Variants in TINAG observed in about 807,000 individuals in gnomAD.
TINAG encodes tubulointerstitial nephritis antigen.
TINAG carries 83 observed loss-of-function variants against 72.7 expected under a neutral mutation model. That is an observed-to-expected ratio of 1.14 (90% confidence interval 0.96 to 1.37). The LOEUF (loss-of-function observed/expected upper bound fraction) is 1.37, where lower values mean the gene tolerates loss of function less well. TINAG is among the 40% of genes most tolerant of loss of function. The pLI is 0.00. For synonymous variants in TINAG, 234 were observed against 189.9 expected (o/e 1.23, Z -1.91); for missense variants, 685 against 576.6 (o/e 1.19, Z -1.93).
At position 54,351,415 on chromosome 6, in the gene TINAG, A is replaced by G. The variant is rs1199382613; in HGVS notation, c.1126+18A>G. On this transcript the variant is annotated intron_variant, in intron 8 of 10. Coordinates refer to ENST00000259782, the MANE Select transcript of TINAG (RefSeq NM_014464.4). ...AGTTCAAGGTAAGCTTGAATGAAAT[A>G]CGGTTTTTTCTTACTCATTCCTTTA... The G allele has an allele frequency of 6.2e-7, 1 of 1,607,962 alleles. No individual in the cohort carries two copies. The highest frequency in any genetic ancestry group is 2.2e-5 in the East Asian group (1 of 44,494).
At chr6:54,331,010 C>A (rs1158199912) in intron 4 of TINAG, among the ~76,000 whole-genome samples, 1 of 152,044 alleles carries the variant, frequency 6.6e-6, no homozygotes, top group Non-Finnish European at 1.5e-5. Flanking sequence ...GAATTCATAG[C>A]CAAATTATTC....
chr6:54,378,602 T>C (rs1383676739), intron 9 of TINAG, among the ~76,000 whole-genome samples: 3 of 152,138 alleles, frequency 2.0e-5, no homozygotes, highest in African/African-American at 7.2e-5. Context: ...GTAAAAGTAA[T>C]AGTTCGTATT....
intron 9 of TINAG, among the ~76,000 whole-genome samples, chr6:54,364,623 T>TA (rs778226388): frequency 6.6e-5 from 10 of 151,404 alleles, no homozygotes; most frequent in South Asian, 2.1e-4. Flanking sequence ...TATGAGAAAA[T>TA]AAAAAAGTAA....
At chr6:54,316,749 C>T (rs555961421) in intron 1 of TINAG, among the ~76,000 whole-genome samples, 1 of 152,238 alleles carries the variant, frequency 6.6e-6, no homozygotes, top group East Asian at 1.9e-4. Context: ...AAATTATAGA[C>T]AACATATCAT....
intron 9 of TINAG, among the ~76,000 whole-genome samples, chr6:54,365,886 C>T (rs935063182): frequency 6.6e-6 from 1 of 151,450 alleles, no homozygotes; most frequent in African/African-American, 2.4e-5. Context: ...CTTGAACAGC[C>T]AGGTGCAATG....
At chr6:54,328,944 A>C (rs991148818) in intron 4 of TINAG, among the ~76,000 whole-genome samples, 10 of 152,066 alleles carry the variant, frequency 6.6e-5, no homozygotes, top group Non-Finnish European at 1.2e-4. Flanking sequence ...AAAAGGAACA[A>C]ACAAAGCATC....
chr6:54,367,198 G>T (rs992848483), intron 9 of TINAG: 2 of 151,726 alleles, frequency 1.3e-5, no homozygotes, highest in Non-Finnish European at 2.9e-5. Flanking sequence ...AGACCAATAT[G>T]TCTTTTACGT....
intron 9 of TINAG, among the ~76,000 whole-genome samples, chr6:54,368,437 T>A (rs1763503985): frequency 6.7e-6 from 1 of 150,062 alleles, no homozygotes; most frequent in South Asian, 2.1e-4. Flanking sequence ...TGAAAGATAT[T>A]TGGGCATATG....
rs189230065 is a variant in TINAG at position 54,333,232 on chromosome 6, T to C, written c.624+6316T>C. The stretch of plus-strand genomic sequence containing the variant: ...TGGAACCAACCCAAATGCCCATCAA[T>C]AATGGACTGGATAAAGAAAATGTGG... On this transcript the variant is annotated intron_variant, in intron 4 of 10. Coordinates refer to ENST00000259782, the MANE Select transcript of TINAG (RefSeq NM_014464.4). Among the ~76,000 whole-genome samples the C allele has an allele frequency of 1.2e-3, 189 of 152,272 alleles. 1 individual carries two copies. The highest frequency in any genetic ancestry group is 2.1e-3 in the Non-Finnish European group (144 of 68,018).
At chr6:54,326,756 T>C (rs1784610803) in intron 3 of TINAG, 46 bp from the exon 4 acceptor site, 1 of 1,378,172 alleles carries the variant, frequency 7.3e-7, no homozygotes, top group Non-Finnish European at 9.9e-7. Context: ...TGATGTCATA[T>C]AACCTGTATA....
At chr6:54,309,509 A>C (rs997016129) in intron 1 of TINAG, among the ~76,000 whole-genome samples, 1 of 152,188 alleles carries the variant, frequency 6.6e-6, no homozygotes, top group African/African-American at 2.4e-5. Flanking sequence ...CAATTATTAA[A>C]AAGAAAGGAA....
chr6:54,333,269 C>T (rs1784784272), intron 4 of TINAG, among the ~76,000 whole-genome samples: 1 of 152,000 alleles, frequency 6.6e-6, no homozygotes, highest in Non-Finnish European at 1.5e-5. Context: ...AAATATATAC[C>T]ATGGAATACT....
At chr6:54,318,125 T>C (rs1159654980) in intron 1 of TINAG, among the ~76,000 whole-genome samples, 1 of 152,124 alleles carries the variant, frequency 6.6e-6, no homozygotes, top group African/African-American at 2.4e-5. Flanking sequence ...CACTTTCTCT[T>C]ACCTATATAC....
intron 10 of TINAG, among the ~76,000 whole-genome samples, chr6:54,388,494 T>TGTAGAAAACAGTGTAGAAA (rs1562190439): frequency 6.6e-6 from 1 of 152,188 alleles, no homozygotes; most frequent in Non-Finnish European, 1.5e-5. Flanking sequence ...GCCCCTCTCT[T>TGTAGAAAACAGTGTAGAAA]ACATTGTAGA....
chr6:54,322,983 C>A (rs1784526319), intron 3 of TINAG, among the ~76,000 whole-genome samples: 1 of 152,160 alleles, frequency 6.6e-6, no homozygotes, highest in African/African-American at 2.4e-5. Context: ...TAGTCTAAAC[C>A]AATGTGGTAC....
At chr6:54,310,506 CTCTTTCTTTCTTT>C (rs1201612733) in intron 1 of TINAG, among the ~76,000 whole-genome samples, 2 of 140,546 alleles carry the variant, frequency 1.4e-5, no homozygotes, top group East Asian at 4.3e-4. Context: ...TTCTTTCTTT[CTCTTTCTTTCTTT>C]TCTTTCTTTC....
intron 5 of TINAG, among the ~76,000 whole-genome samples, chr6:54,345,563 A>G (rs1785101229): frequency 6.6e-6 from 1 of 152,104 alleles, no homozygotes; most frequent in East Asian, 1.9e-4. Context: ...CAGTTACACC[A>G]TTTTTTAAAA....
intron 4 of TINAG, among the ~76,000 whole-genome samples, chr6:54,337,246 A>AT (rs34286210): frequency 0.028 from 2,630 of 93,866 alleles, 25 homozygotes; most frequent in Non-Finnish European, 0.034. Context: ...TGGGATTTGA[A>AT]TTTTTTTTTT....
At chr6:54,346,837 T>C (rs1785135187) in intron 5 of TINAG, among the ~76,000 whole-genome samples, 1 of 152,052 alleles carries the variant, frequency 6.6e-6, no homozygotes, top group African/African-American at 2.4e-5. Context: ...GTAGTTAAAT[T>C]AGATTAAACC....
Sources: gnomAD v4.1 joint callset for allele counts (sites outside exome capture counted in the v4.1 genomes callset) on GRCh38, gnomAD v4.1.1 for gene constraint, MANE v1.5 for transcripts, NCBI Gene and HGNC (gene_info 2026-07-23, HGNC 2026-07-21) for gene names.